STPG2: variants seen among roughly 807,000 people sequenced by gnomAD.
STPG2 encodes sperm-tail PG-rich repeat-containing protein 2.
In STPG2, 56 loss-of-function variants were observed where a neutral mutation model predicts 54.2. That is an observed-to-expected ratio of 1.03 (90% CI 0.83 to 1.29). The LOEUF is 1.29. STPG2 is among the 50% of genes most tolerant of loss of function. The pLI, the probability that STPG2 is intolerant of heterozygous loss-of-function variation, is 0.00. For missense variants in STPG2, 596 were observed against 544.9 expected, an observed-to-expected ratio of 1.09 and a Z score of -0.93; for synonymous variants, 200 against 181.8, an observed-to-expected ratio of 1.10 and a Z score of -0.81.
intron 5 of STPG2, among the ~76,000 whole-genome samples, chr4:98,068,686 C>T (rs1313039483): frequency 6.6e-6 from 1 of 151,566 alleles, no homozygotes; most frequent in African/African-American, 2.4e-5. Flanking sequence ...AATCACTTAA[C>T]GATGGGAATA....
At chr4:98,050,758 C>G (rs1264714681) in intron 5 of STPG2, among the ~76,000 whole-genome samples, 1 of 152,146 alleles carries the variant, frequency 6.6e-6, no homozygotes, top group Admixed American at 6.5e-5. Context: ...GTAATCCCAG[C>G]ACTTTGGGAG....
chr4:97,823,633 C>A (rs539498394), intron 9 of STPG2, among the ~76,000 whole-genome samples: 1 of 152,178 alleles, frequency 6.6e-6, no homozygotes, highest in Non-Finnish European at 1.5e-5. Context: ...ATCCAAGAAC[C>A]ATCTCTTGGG....
chr4:98,058,970 T>C (rs1007648409), intron 5 of STPG2, among the ~76,000 whole-genome samples: 5 of 116,646 alleles, frequency 4.3e-5, no homozygotes, highest in African/African-American at 1.7e-4. Context: ...ACCACAAAGC[T>C]AGCAGAAGAC....
chr4:98,104,706 C>T (rs1475980551), intron 5 of STPG2, among the ~76,000 whole-genome samples: 5 of 152,096 alleles, frequency 3.3e-5, no homozygotes, highest in African/African-American at 1.2e-4. Flanking sequence ...AATAAACAAG[C>T]CTCTGGGTAA....
At chr4:98,113,801 C>T (rs1034942641) in intron 3 of STPG2, among the ~76,000 whole-genome samples, 2 of 151,964 alleles carry the variant, frequency 1.3e-5, no homozygotes, top group Non-Finnish European at 2.9e-5. Flanking sequence ...AGCTATCCCA[C>T]AAATCTCTGC....
intron 8 of STPG2, among the ~76,000 whole-genome samples, chr4:97,921,221 G>A (rs1471992066): frequency 1.3e-5 from 2 of 152,060 alleles, no homozygotes; most frequent in Non-Finnish European, 2.9e-5. Flanking sequence ...GACCAAGCAG[G>A]CACTAATGGC....
chr4:98,007,507 T>C (rs1735612178), intron 5 of STPG2, among the ~76,000 whole-genome samples: 1 of 152,114 alleles, frequency 6.6e-6, no homozygotes, highest in African/African-American at 2.4e-5. Context: ...TGACTGCTTC[T>C]CTAGAGGAGA....
chr4:97,638,051 A>G (rs1172528149), intron 10 of STPG2, among the ~76,000 whole-genome samples: 2 of 152,186 alleles, frequency 1.3e-5, no homozygotes, highest in African/African-American at 4.8e-5. Context: ...TCCTAAGCCA[A>G]AAGAACAAAG....
chr4:97,905,438 A>G (rs1731368644), intron 8 of STPG2, among the ~76,000 whole-genome samples: 2 of 152,154 alleles, frequency 1.3e-5, no homozygotes, highest in African/African-American at 4.8e-5. Flanking sequence ...GCCTGCCCTA[A>G]AAGAGCTCCT....
At chr4:97,915,579 A>C (rs989775723) in intron 8 of STPG2, among the ~76,000 whole-genome samples, 5 of 152,006 alleles carry the variant, frequency 3.3e-5, no homozygotes, top group Admixed American at 3.3e-4. Context: ...CCCTTGCCTG[A>C]GGGTAAAGGC....
At chr4:98,031,552 G>C (rs548304187) in intron 5 of STPG2, among the ~76,000 whole-genome samples, 26 of 152,020 alleles carry the variant, frequency 1.7e-4, no homozygotes, top group Non-Finnish European at 3.1e-4. Context: ...GTGGCCTGTA[G>C]TCCCAGCCTA....
At chr4:97,904,365 G>C (rs1305231827) in intron 8 of STPG2, among the ~76,000 whole-genome samples, 1 of 152,066 alleles carries the variant, frequency 6.6e-6, no homozygotes, top group Non-Finnish European at 1.5e-5. Flanking sequence ...GGCTGGCCAG[G>C]TACTCCAACA....
In STPG2 at chr4:97,904,866, G is replaced by T. The variant is rs61534509; in HGVS notation, c.1044+39031C>A. On this transcript the variant is annotated intron_variant, in intron 8 of 10. Coordinates refer to ENST00000295268, the MANE Select transcript of STPG2 (RefSeq NM_174952.3). Reference sequence around the variant, plus strand: ...GGAAGAAAGGGTATCAGCGATGGAAGATGAAATGAATGAAATGAAGTGAGA... The same window carrying T: ...GGAAGAAAGGGTATCAGCGATGGAATATGAAATGAATGAAATGAAGTGAGA... 8.9e-4 allele frequency among the ~76,000 whole-genome samples: 135 copies of T among 152,296 alleles called. 1 individual carries two copies. Among genetic ancestry groups the T allele is most frequent in the Admixed American group, 8.8e-3 (134 of 15,298 alleles).
intron 9 of STPG2, among the ~76,000 whole-genome samples, chr4:97,818,914 ACT>A (rs1015550469): frequency 2.0e-5 from 3 of 148,864 alleles, no homozygotes; most frequent in Admixed American, 1.3e-4. Flanking sequence ...TAGAGAATTT[ACT>A]CTCTCTGTAT....
intron 4 of STPG2, among the ~76,000 whole-genome samples, chr4:97,469,020 T>C (rs1006239213): frequency 2.6e-5 from 4 of 152,078 alleles, no homozygotes; most frequent in East Asian, 1.9e-4. Flanking sequence ...CAAAATATTA[T>C]AGTATGTTGG....
chr4:97,465,773 T>G (rs1729773420), intron 4 of STPG2, among the ~76,000 whole-genome samples: 1 of 152,128 alleles, frequency 6.6e-6, no homozygotes, highest in African/African-American at 2.4e-5. Flanking sequence ...TATATTTTTA[T>G]TTGTATCATT....
intron 3 of STPG2, among the ~76,000 whole-genome samples, chr4:98,114,703 T>C (rs760966466): frequency 1.5e-5 from 2 of 133,044 alleles, no homozygotes; most frequent in Non-Finnish European, 1.7e-5. Context: ...AAAGATTATG[T>C]ATGTGTACAT....
chr4:98,106,031 G>A lies in STPG2; in HGVS notation c.534C>T (p.Ile178=), dbSNP rs780382721. The A allele has an allele frequency of 3.3e-6, 5 of 1,516,586 alleles. No individual in the cohort carries two copies. Among genetic ancestry groups the A allele is most frequent in the African/African-American group, 2.8e-5 (2 of 71,616 alleles). The allele number at this position is 1,516,586 out of a possible 1,614,324, so 93.9% of individuals were successfully genotyped here. A position where few individuals can be genotyped will look rare whatever the true frequency, so the allele number is the denominator to read the frequency against. The change falls in exon 5 of 11, where the codon ATC becomes ATT. Residue 178 remains isoleucine (I), a synonymous_variant. Transcript: ENST00000295268. ...AATAATTTTGTTGTTGATCTCTCTTGATGTTAACATTTTCATAATATGATG... is the reference window on the plus strand; with the variant it reads ...AATAATTTTGTTGTTGATCTCTCTTAATGTTAACATTTTCATAATATGATG... ...KKTSYYENVN[I]KRDQQQNYCS...
intron 8 of STPG2, among the ~76,000 whole-genome samples, chr4:97,923,219 G>A (rs541068487): frequency 2.2e-3 from 340 of 152,358 alleles, no homozygotes; most frequent in African/African-American, 7.9e-3. Context: ...GCCCAGGCCG[G>A]AGCCAGCTCC....
Sources: gnomAD v4.1 joint callset for allele counts (sites outside exome capture counted in the v4.1 genomes callset) on GRCh38, gnomAD v4.1.1 for gene constraint, MANE v1.5 for transcripts, NCBI Gene and HGNC (gene_info 2026-07-23, HGNC 2026-07-21) for gene names.